FAM149A: variants seen among roughly 807,000 people sequenced by gnomAD.
FAM149A encodes the protein protein FAM149A.
In FAM149A, 71 loss-of-function variants were observed where a neutral mutation model predicts 78.2. That is an observed-to-expected ratio of 0.91 (90% CI 0.75 to 1.11). FAM149A has a LOEUF of 1.11. FAM149A is among the 50% of genes least tolerant of loss of function. FAM149A has a pLI of 0.00. For missense variants in FAM149A, 1,036 were observed against 971.0 expected (o/e 1.07, Z -0.89); for synonymous variants, 446 against 410.5 (o/e 1.09, Z -1.04).
At chr4:186,169,402 C>T in intron 13 of FAM149A, 2 of 985,392 alleles carry the variant, frequency 2.0e-6, no homozygotes, top group Non-Finnish European at 2.4e-6. Context: ...ATGCAGACGT[C>T]CCCAGGCCCC....
At chr4:186,167,660 G>T in intron 13 of FAM149A, 1 of 305,178 alleles carries the variant, frequency 3.3e-6, no homozygotes, top group Admixed American at 4.3e-5. Context: ...AATTAACACA[G>T]ATTTGCTAAT....
chr4:186,107,311 G>C (rs76895310), intron 1 of FAM149A, among the ~76,000 whole-genome samples: 2,097 of 152,274 alleles, frequency 0.014, 51 homozygotes, highest in African/African-American at 0.048. Context: ...CAAATATTTG[G>C]AATAGATACT....
chr4:186,133,075 C>T (rs1223139452), intron 1 of FAM149A: 3 of 985,244 alleles, frequency 3.0e-6, no homozygotes, highest in Non-Finnish European at 3.6e-6. Context: ...AACACTGCCC[C>T]CTCCTCCCTA....
At chr4:186,125,684 G>T in intron 1 of FAM149A, 18 of 983,848 alleles carry the variant, frequency 1.8e-5, no homozygotes, top group Non-Finnish European at 2.2e-5. Context: ...TGAAATATGG[G>T]GCTTAATAAA....
intron 1 of FAM149A, chr4:186,117,614 G>A (rs2099314287): frequency 4.1e-6 from 4 of 985,438 alleles, no homozygotes; most frequent in Non-Finnish European, 4.8e-6. Flanking sequence ...GAGCCACATG[G>A]CGTGAGGCTT....
At chr4:186,166,934 T>G in intron 11 of FAM149A, 34 bp from the exon 12 acceptor site, 1 of 1,591,708 alleles carries the variant, frequency 6.3e-7, no homozygotes, top group Non-Finnish European at 8.6e-7. Flanking sequence ...GGATTGCATT[T>G]ATTTTAAACA....
intron 8 of FAM149A, 186 bp downstream of exon 8, chr4:186,157,905 G>A: frequency 6.5e-7 from 1 of 1,534,436 alleles, no homozygotes; most frequent in South Asian, 1.2e-5. Context: ...AATGCCTGGA[G>A]ACCTGGACGT....
In FAM149A at chr4:186,164,040, C is replaced by T. The variant is rs934874038; in HGVS notation, c.1889+407C>T. Among the ~76,000 whole-genome samples, 5 of 152,140 alleles carry T rather than the reference C, an allele frequency of 3.3e-5. No individual in the cohort carries two copies. The highest frequency in any genetic ancestry group is 1.2e-4 in the African/African-American group (5 of 41,424). The stretch of plus-strand genomic sequence containing the variant: ...CCCTATCGGATTATCTTTAAGGATG[C>T]ATTTTTCTCTATGTGGGAGTTTCAG... On this transcript the variant is annotated intron_variant, in intron 10 of 13. Transcript: ENST00000389354. The surrounding 1 kb of genome is among the most constrained non-coding windows in gnomAD (Gnocchi z 4.0).
At chr4:186,122,595 A>G (rs1489157132) in intron 1 of FAM149A, 1 of 152,342 alleles carries the variant, frequency 6.6e-6, no homozygotes, top group Non-Finnish European at 1.5e-5. Context: ...AATATTAACC[A>G]TGGTTGAATC....
At chr4:186,130,293 C>CTCTCTCTCTCTCTATATATATATATATA in intron 1 of FAM149A, 2 of 46,588 alleles carry the variant, frequency 4.3e-5, no homozygotes, top group East Asian at 7.7e-4. Flanking sequence ...CTCTCTCTCT[C>CTCTCTCTCTCTCTATATATATATATATA]TATATATATA....
chr4:186,122,734 A>C (rs1200751785), intron 1 of FAM149A: 5 of 337,672 alleles, frequency 1.5e-5, no homozygotes, highest in Non-Finnish European at 2.1e-5. Flanking sequence ...CTCAACAGAA[A>C]TGTTAAATAT....
chr4:186,163,263 CAG>C (rs1427467063), intron 9 of FAM149A, among the ~76,000 whole-genome samples, 159 bp from the exon 10 acceptor site: 1 of 152,164 alleles, frequency 6.6e-6, no homozygotes, highest in East Asian at 1.9e-4. Context: ...TTCATTGAAA[CAG>C]AAACAGAAAT....
chr4:186,159,243 C>T (rs749572535), intron 8 of FAM149A, among the ~76,000 whole-genome samples: 26 of 149,718 alleles, frequency 1.7e-4, no homozygotes, highest in Non-Finnish European at 3.7e-4. Context: ...CTGTGAGGGT[C>T]GCGCAAAAAA....
At chr4:186,151,337 G>T (rs1037761993) in intron 3 of FAM149A, among the ~76,000 whole-genome samples, 1 of 152,106 alleles carries the variant, frequency 6.6e-6, no homozygotes, top group African/African-American at 2.4e-5. Flanking sequence ...AGGGAAATTC[G>T]TATAACTTCC....
intron 3 of FAM149A, among the ~76,000 whole-genome samples, chr4:186,150,135 GC>G (rs139140142): frequency 0.35 from 52,813 of 151,848 alleles, 10,688 homozygotes; most frequent in East Asian, 0.51. Context: ...ACCGCTGGGG[GC>G]GCTGTTGCCT....
At chr4:186,106,157 ATC>A (rs2099308673) in intron 1 of FAM149A, among the ~76,000 whole-genome samples, 1 of 152,144 alleles carries the variant, frequency 6.6e-6, no homozygotes, top group Non-Finnish European at 1.5e-5. Context: ...GCATGACATC[ATC>A]TGACACAAAT....
At chr4:186,115,398 C>CA (rs1201435307) in intron 1 of FAM149A, among the ~76,000 whole-genome samples, 1 of 149,704 alleles carries the variant, frequency 6.7e-6, no homozygotes, top group Admixed American at 6.7e-5. Context: ...CTCAGCTCGT[C>CA]AAAGTCATTC....
chr4:186,146,375 C>A, intron 1 of FAM149A: 1 of 693,534 alleles, frequency 1.4e-6, no homozygotes. Context: ...CTTCCCATTT[C>A]CCCCTGCCCT....
chr4:186,104,760 G>T lies in FAM149A; in HGVS notation c.-317G>T, dbSNP rs1046385486. Among the ~76,000 whole-genome samples the T allele has an allele frequency of 2.0e-5, 3 of 150,346 alleles. No homozygotes were observed. Among genetic ancestry groups the T allele is most frequent in the African/African-American group, 7.3e-5 (3 of 41,010 alleles). On this transcript the variant is annotated 5_prime_UTR_variant, in exon 1 of 14. Coordinates refer to ENST00000389354, the MANE Select transcript of FAM149A (RefSeq NM_001367768.3). The stretch of plus-strand genomic sequence containing the variant: ...AGCAACCGCGGGCGGCGGGCGGCGG[G>T]CGGCGGGCGTCTGGGGCGGGCGGCG...
Sources: allele counts gnomAD v4.1 joint callset (sites outside exome capture counted in the v4.1 genomes callset), GRCh38; gene constraint gnomAD v4.1.1; non-coding constraint Gnocchi (gnomAD v3.1); transcripts MANE v1.5; gene names NCBI Gene and HGNC (gene_info 2026-07-23, HGNC 2026-07-21).